Variants in CD55 observed in about 807,000 individuals in gnomAD.
The protein encoded by CD55 is complement decay-accelerating factor.
Under a neutral mutation model 45.8 loss-of-function variants are expected in CD55, and 41 were observed. The ratio of observed to expected loss-of-function variants is 0.90; its 90% CI spans 0.70 to 1.16. CD55 has a LOEUF of 1.16. Among genes scored for constraint, CD55 ranks in the 50% most tolerant of loss-of-function variants. The pLI, the probability that CD55 is intolerant of heterozygous loss-of-function variation, is 0.00. For synonymous variants in CD55, 181 were observed against 181.1 expected, an observed-to-expected ratio of 1.00 and a Z score of 0.01; for missense variants, 416 against 469.8, an observed-to-expected ratio of 0.89 and a Z score of 1.06.
intron 8 of CD55, among the ~76,000 whole-genome samples, chr1:207,337,963 T>C (rs764929422): frequency 1.2e-4 from 19 of 152,222 alleles, no homozygotes; most frequent in Non-Finnish European, 2.1e-4. Context: ...AATTGTGTTT[T>C]ATCTATAGTT....
At chr1:207,355,107 A>T (rs1265223742) in intron 9 of CD55, among the ~76,000 whole-genome samples, 1 of 152,216 alleles carries the variant, frequency 6.6e-6, no homozygotes, top group East Asian at 1.9e-4. Context: ...TAAACTTCTA[A>T]AGTAAAATAC....
chr1:207,323,043 A>G (rs909231995), intron 2 of CD55, among the ~76,000 whole-genome samples: 2 of 152,074 alleles, frequency 1.3e-5, no homozygotes, highest in African/African-American at 2.4e-5. Context: ...GTGTGTCATG[A>G]TCAATCAGGG....
chr1:207,347,435 A>G (rs1318866285), intron 9 of CD55: 1 of 348,694 alleles, frequency 2.9e-6, no homozygotes, highest in South Asian at 2.2e-5. Context: ...AATTTTTTGT[A>G]TTTTTCAGTA....
At chr1:207,322,639 G>A (rs1173649313) in intron 2 of CD55, 72 bp downstream of exon 2, 4 of 1,267,810 alleles carry the variant, frequency 3.2e-6, no homozygotes, top group African/African-American at 3.0e-5. Context: ...TATACCTTTG[G>A]AGTGACTAGT....
intron 8 of CD55, 40 bp from the exon 9 acceptor site, chr1:207,339,357 A>C (rs775841683): frequency 1.7e-5 from 27 of 1,571,428 alleles, no homozygotes; most frequent in Middle Eastern, 1.7e-4. Flanking sequence ...GACTTTAACA[A>C]ATTTTTGTTG....
intron 5 of CD55, among the ~76,000 whole-genome samples, chr1:207,330,674 G>A (rs1353796123): frequency 1.3e-5 from 2 of 152,052 alleles, no homozygotes; most frequent in African/African-American, 2.4e-5. Context: ...GAAGAGCAAC[G>A]CTTTCTCCGC....
At position 207,332,904 on chromosome 1, in the gene CD55, T is replaced by C. The variant is rs560058561; in HGVS notation, c.853+1608T>C. ...GTAAGGCAGTTTTCCCTAGGGACCT[T>C]TGCTGATTCTGAACCTGGACTAAGG... On this transcript the variant is annotated intron_variant, in intron 6 of 9. Transcript: ENST00000367064. Among the ~76,000 whole-genome samples, 5 of 152,268 alleles carry C rather than the reference T, an allele frequency of 3.3e-5. 1 individual carries two copies. The South Asian group carries it at 1.0e-3, about 32-fold the overall frequency.
At chr1:207,329,109 G>A (rs1365450926) in intron 5 of CD55, among the ~76,000 whole-genome samples, 9 of 152,190 alleles carry the variant, frequency 5.9e-5, no homozygotes, top group Non-Finnish European at 1.3e-4. Flanking sequence ...CCAGTGGGAG[G>A]GACCCTCTCA....
intron 9 of CD55, among the ~76,000 whole-genome samples, chr1:207,349,028 G>A (rs906842163): frequency 5.3e-5 from 8 of 151,852 alleles, no homozygotes; most frequent in African/African-American, 1.7e-4. Context: ...TTTTACTTAC[G>A]GTTGTTTTGG....
At chr1:207,339,345 A>G (rs989953729) in intron 8 of CD55, 52 bp from the exon 9 acceptor site, 6 of 1,452,514 alleles carry the variant, frequency 4.1e-6, no homozygotes, top group African/African-American at 2.8e-5. Context: ...TAGCAAATCA[A>G]TGACTTTAAC....
chr1:207,329,330 A>G (rs1411457458), intron 5 of CD55, among the ~76,000 whole-genome samples: 1 of 152,230 alleles, frequency 6.6e-6, no homozygotes, highest in Non-Finnish European at 1.5e-5. Flanking sequence ...TAGTTGCCTG[A>G]GTTCAAGAGT....
At chr1:207,340,696 A>T (rs551378830) in intron 9 of CD55, 15 of 561,802 alleles carry the variant, frequency 2.7e-5, no homozygotes, top group African/African-American at 2.5e-4. Flanking sequence ...TTGTACATTG[A>T]TGGACACTTA....
chr1:207,346,257 T>C (rs1315595791), intron 9 of CD55, among the ~76,000 whole-genome samples: 1 of 152,038 alleles, frequency 6.6e-6, no homozygotes, highest in Non-Finnish European at 1.5e-5. Context: ...AGTGGCAGGT[T>C]GAGTGGGCCT....
At chr1:207,342,119 A>C (rs549367694) in intron 9 of CD55, among the ~76,000 whole-genome samples, 1 of 152,166 alleles carries the variant, frequency 6.6e-6, no homozygotes, top group African/African-American at 2.4e-5. Context: ...AATTTATCAG[A>C]TCTAAGAGTT....
Position 207,359,537 on chromosome 1 carries a change from A to AT in CD55, c.1082-9_1082-8insT. On this transcript the variant is annotated splice_polypyrimidine_tract_variant and intron_variant, in intron 9 of 9. Transcript: ENST00000367064. ...TTAACTTTTTTTTTTTTTTTTTTTT[A>AT]ATTTTCAGGGCACACGTGTTTCACG... 3.2e-6 allele frequency: 3 copies of AT among 946,006 alleles called. No homozygotes were observed. The highest frequency in any genetic ancestry group is 3.2e-5 in the South Asian group (1 of 31,464). 58.6% of individuals were successfully genotyped at this position (946,006 alleles called of 1,614,324 possible).
intron 5 of CD55, 138 bp from the exon 6 acceptor site, chr1:207,330,970 C>A (rs1176961355): frequency 1.7e-5 from 11 of 665,632 alleles, no homozygotes; most frequent in African/African-American, 1.1e-4. Context: ...TTATAAGCAT[C>A]TCTTGTTGGT....
chr1:207,321,788 T>G lies in CD55; in HGVS notation c.23T>G (p.Val8Gly). 4 of 1,522,606 alleles carry G rather than the reference T, an allele frequency of 2.6e-6. No individual in the cohort carries two copies. Among genetic ancestry groups the G allele is most frequent in the Non-Finnish European group, 3.5e-6 (4 of 1,141,218 alleles). 94.3% of individuals were successfully genotyped at this position (1,522,606 alleles called of 1,614,324 possible). ...GCCATGACCGTCGCGCGGCCGAGCG[T>G]GCCCGCGGCGCTGCCCCTCCTCGGG... MTVARPS[V>G]PAALPLLGEL... The change falls in exon 1 of 10, where the codon GTG (valine) becomes GGG (glycine). Residue 8 changes from valine (V) to glycine (G), a missense_variant. Coordinates refer to ENST00000367064, the MANE Select transcript of CD55 (RefSeq NM_000574.5).
In CD55 at chr1:207,360,532, C is replaced by T. The variant is rs904704652; in HGVS notation, c.*922C>T. ...GTAGTATGTGAAATTTATTCTTAAA[C>T]GTGACTACTTTATTTCTAAATAAGA... is the stretch of plus-strand genomic sequence containing the variant. On this transcript the variant is annotated 3_prime_UTR_variant, in exon 10 of 10. Transcript: ENST00000367064. The T allele has an allele frequency of 7.2e-5, 11 of 152,070 alleles. No individual in the cohort carries two copies. The highest frequency in any genetic ancestry group is 3.8e-4 in the East Asian group (2 of 5,200). The allele number at this position is 152,070 out of a possible 1,614,324, so 9.4% of individuals were successfully genotyped here. A position where few individuals can be genotyped will look rare whatever the true frequency, so the allele number is the denominator to read the frequency against.
intron 9 of CD55, among the ~76,000 whole-genome samples, chr1:207,352,749 CTAT>C (rs1182241609): frequency 6.6e-6 from 1 of 152,076 alleles, no homozygotes; most frequent in Non-Finnish European, 1.5e-5. Context: ...CATGCAATCA[CTAT>C]TATTTTCCTA....
Sources: gnomAD v4.1 joint callset for allele counts (sites outside exome capture counted in the v4.1 genomes callset) on GRCh38, gnomAD v4.1.1 for gene constraint, MANE v1.5 for transcripts, NCBI Gene and HGNC (gene_info 2026-07-23, HGNC 2026-07-21) for gene names.